FAM91A1: variants seen among roughly 807,000 people sequenced by gnomAD.
FAM91A1 encodes the protein protein FAM91A1.
FAM91A1 carries 41 observed loss-of-function variants against 113.5 expected under a neutral mutation model. The observed-to-expected ratio is 0.36, with a 90% CI of 0.28 to 0.47. FAM91A1 has a LOEUF of 0.47. Ranked by LOEUF, FAM91A1 falls within the 20% of genes least tolerant of loss-of-function variation. The pLI is 1.00. For missense variants in FAM91A1, 696 were observed against 1,001.2 expected (o/e 0.70, Z 4.11); for synonymous variants, 307 against 347.9 (o/e 0.88, Z 1.31).
chr8:123,789,498 C>A, intron 14 of FAM91A1, 115 bp from the exon 15 acceptor site: 1 of 1,495,784 alleles, frequency 6.7e-7, no homozygotes, highest in Non-Finnish European at 9.0e-7. Flanking sequence ...ATTGCCTGGG[C>A]AAATTTTTGA....
intron 19 of FAM91A1, 142 bp downstream of exon 19, chr8:123,805,481 A>T (rs1169136052): frequency 1.4e-6 from 1 of 694,362 alleles, no homozygotes; most frequent in Non-Finnish European, 2.4e-6. Flanking sequence ...TGTTGGCAAA[A>T]GGTAGTTTTT....
At chr8:123,798,378 T>G (rs1423214119) in intron 16 of FAM91A1, 140 bp downstream of exon 16, 4 of 938,644 alleles carry the variant, frequency 4.3e-6, no homozygotes, top group African/African-American at 3.4e-5. Context: ...TGTAAGATGA[T>G]ATGTTCAATT....
chr8:123,784,589 A>G lies in FAM91A1; in HGVS notation c.810+13A>G. 6.5e-7 allele frequency: 1 copy of G among 1,541,200 alleles called. No individual in the cohort carries two copies. Among genetic ancestry groups the G allele is most frequent in the Middle Eastern group, 1.7e-4 (1 of 5,920 alleles). On this transcript the variant is annotated intron_variant, in intron 9 of 23. Transcript: ENST00000334705. ...AAATGTTGCAGAGGTAAGTTTGACA[A>G]CGTCTCATGAAAATATAATCTCAAG... is the stretch of plus-strand genomic sequence containing the variant.
chr8:123,805,429 T>A, intron 19 of FAM91A1, 90 bp downstream of exon 19: 1 of 1,103,410 alleles, frequency 9.1e-7, no homozygotes. Context: ...AGGAAATGAA[T>A]TCTTGAAATT....
In FAM91A1 at chr8:123,784,570, T is replaced by C. The variant is rs1237454638; in HGVS notation, c.804T>C (p.Val268=). 1.3e-6 allele frequency: 2 copies of C among 1,597,180 alleles called. No individual in the cohort carries two copies. Among genetic ancestry groups the C allele is most frequent in the South Asian group, 2.3e-5 (2 of 86,636 alleles). The part of the protein sequence containing the change: ...IFVSIDEHTN[V]AELANVLEID... ...TTTCAATAGATGAGCACACAAATGT[T>C]GCAGAGGTAAGTTTGACAACGTCTC... The change falls in exon 9 of 24, where the codon GTT becomes GTC. Residue 268 remains valine (V), a synonymous_variant. Coordinates refer to ENST00000334705, the MANE Select transcript of FAM91A1 (RefSeq NM_144963.4).
intron 15 of FAM91A1, among the ~76,000 whole-genome samples, chr8:123,794,610 C>T (rs935626791): frequency 3.3e-5 from 5 of 152,188 alleles, no homozygotes; most frequent in Non-Finnish European, 7.3e-5. Context: ...TGCCCTGTGA[C>T]GCTGATCATC....
At chr8:123,805,181 A>C in intron 18 of FAM91A1, 86 bp from the exon 19 acceptor site, 1 of 1,060,310 alleles carries the variant, frequency 9.4e-7, no homozygotes, top group Non-Finnish European at 1.4e-6. Flanking sequence ...ATATACCATT[A>C]CATGACACAA....
intron 9 of FAM91A1, 158 bp from the exon 10 acceptor site, chr8:123,784,923 A>T (rs979677819): frequency 1.9e-6 from 1 of 527,460 alleles, no homozygotes; most frequent in East Asian, 3.3e-5. Context: ...GATCTTAGAG[A>T]TAGGGAAAGA....
chr8:123,794,777 T>A (rs973207446), intron 15 of FAM91A1, among the ~76,000 whole-genome samples: 2 of 152,176 alleles, frequency 1.3e-5, no homozygotes, highest in Non-Finnish European at 2.9e-5. Flanking sequence ...TGCTGGAAAT[T>A]CTCCCAAGAA....
At chr8:123,802,673 T>A (rs1815715215) in intron 18 of FAM91A1, among the ~76,000 whole-genome samples, 1 of 152,030 alleles carries the variant, frequency 6.6e-6, no homozygotes, top group African/African-American at 2.4e-5. Context: ...CATGAGAGGA[T>A]GAAATTAGCC....
rs563418733 is a variant in FAM91A1 at position 123,812,430 on chromosome 8, G to A, written c.2332-89G>A. 10 of 1,163,884 alleles carry A rather than the reference G, an allele frequency of 8.6e-6. No individual in the cohort carries two copies. In the Admixed American group the frequency reaches 2.2e-4, roughly 26 times the overall value. 72.1% of individuals were successfully genotyped at this position (1,163,884 alleles called of 1,614,324 possible). ...CTTTGCAATCCATAAACACTTCTCAGGTAATCAAGGTCTCTCTTTCTCATT... is the reference window on the plus strand; with the variant it reads ...CTTTGCAATCCATAAACACTTCTCAAGTAATCAAGGTCTCTCTTTCTCATT... On this transcript the variant is annotated intron_variant, in intron 23 of 23. Coordinates refer to ENST00000334705, the MANE Select transcript of FAM91A1 (RefSeq NM_144963.4).
chr8:123,778,161 A>C (rs1420373387), intron 5 of FAM91A1, 69 bp downstream of exon 5: 15 of 1,162,966 alleles, frequency 1.3e-5, no homozygotes, highest in Non-Finnish European at 1.9e-5. Context: ...TTTAAGTGGT[A>C]GAAATAATGA....
At chr8:123,808,423 G>A in intron 21 of FAM91A1, 47 bp downstream of exon 21, 1 of 1,512,586 alleles carries the variant, frequency 6.6e-7, no homozygotes, top group African/African-American at 1.4e-5. Flanking sequence ...AATTTCTGAG[G>A]TTTAACTTTT....
At chr8:123,775,024 ATTTG>A in intron 2 of FAM91A1, 119 bp from the exon 3 acceptor site, 1 of 940,738 alleles carries the variant, frequency 1.1e-6, no homozygotes, top group Non-Finnish European at 1.5e-6. Context: ...AGAATATTTT[ATTTG>A]TTCTCTTGTA....
intron 15 of FAM91A1, among the ~76,000 whole-genome samples, chr8:123,797,513 G>C (rs935777116): frequency 3.3e-5 from 5 of 152,122 alleles, no homozygotes; most frequent in African/African-American, 9.7e-5. Flanking sequence ...TTACTGTGAA[G>C]ATGAGGAAGA....
At position 123,799,643 on chromosome 8, in the gene FAM91A1, G is replaced by C. The variant is rs1324659094; in HGVS notation, c.1684G>C (p.Asp562His). 2 of 1,613,886 alleles carry C rather than the reference G, an allele frequency of 1.2e-6. No homozygotes were observed. Among genetic ancestry groups the C allele is most frequent in the African/African-American group, 1.3e-5 (1 of 74,930 alleles). ...AGGTACAAGACTTCGAAAACTGCCA[G>C]ATATATTTCAGGTATGTGTGGGAGG... ...SKGTRLRKLP[D>H]IFQSYDRLLI... is the part of the protein sequence containing the mutation. The change falls in exon 17 of 24, where the codon GAT becomes CAT. Residue 562 changes from aspartate (D) to histidine (H), a missense_variant. By Grantham distance (81) the Asp-to-His change is moderately conservative. Transcript: ENST00000334705.
At chr8:123,792,775 G>A (rs1420833849) in intron 15 of FAM91A1, among the ~76,000 whole-genome samples, 3 of 152,134 alleles carry the variant, frequency 2.0e-5, no homozygotes, top group Non-Finnish European at 2.9e-5. Flanking sequence ...GTTTTGGGAA[G>A]GGGCTTAGTG....
At chr8:123,768,875 A>C in intron 1 of FAM91A1, 101 bp downstream of exon 1, 1 of 1,196,762 alleles carries the variant, frequency 8.4e-7, no homozygotes, top group East Asian at 2.6e-5. Flanking sequence ...CTGCCGGCTG[A>C]CTCCCTTCCT....
rs1814752103 is a variant in FAM91A1 at position 123,768,446 on chromosome 8, T to G, written c.-257T>G. On this transcript the variant is annotated 5_prime_UTR_variant, in exon 1 of 24. Coordinates refer to ENST00000334705, the MANE Select transcript of FAM91A1 (RefSeq NM_144963.4). Reference sequence around the variant, plus strand: ...CGGAAGTGACGTGTGCCCAGAGCCATTTCCGGCGGCCCGAAACTAGGAAGA... The same window carrying G: ...CGGAAGTGACGTGTGCCCAGAGCCAGTTCCGGCGGCCCGAAACTAGGAAGA... 2 of 415,238 alleles carry G rather than the reference T, an allele frequency of 4.8e-6. No homozygotes were observed. Among genetic ancestry groups the G allele is most frequent in the Non-Finnish European group, 4.3e-6 (1 of 234,418 alleles). The allele number at this position is 415,238 out of a possible 1,614,324, so 25.7% of individuals were successfully genotyped here. A position where few individuals can be genotyped will look rare whatever the true frequency, so the allele number is the denominator to read the frequency against.
Sources: gnomAD v4.1 joint callset for allele counts (sites outside exome capture counted in the v4.1 genomes callset) on GRCh38, gnomAD v4.1.1 for gene constraint, MANE v1.5 for transcripts, NCBI Gene and HGNC (gene_info 2026-07-23, HGNC 2026-07-21) for gene names.